The following APBB2 variants were observed in gnomAD, a reference collection of about 807,000 sequenced individuals.
APBB2 encodes the protein Fe65-like 1.
Under a neutral mutation model 82.5 loss-of-function variants are expected in APBB2, and 38 were observed. The observed-to-expected ratio is 0.46, with a 90% confidence interval of 0.36 to 0.60. APBB2 has a LOEUF of 0.60. Among genes scored for constraint, APBB2 ranks in the 20% least tolerant of loss-of-function variants. The pLI is 0.00. For synonymous variants in APBB2, 341 were observed against 368.2 expected (o/e 0.93, Z 0.85); for missense variants, 772 against 972.3 (o/e 0.79, Z 2.74).
At chr4:41,136,651 T>C (rs1757654338) in intron 2 of APBB2, among the ~76,000 whole-genome samples, 1 of 152,170 alleles carries the variant, frequency 6.6e-6, no homozygotes, top group Non-Finnish European at 1.5e-5. Flanking sequence ...ACGCATGGCT[T>C]GACCTACTAA....
chr4:40,824,595 C>T (rs1298104010), intron 15 of APBB2, among the ~76,000 whole-genome samples: 1 of 152,120 alleles, frequency 6.6e-6, no homozygotes. Flanking sequence ...TCAGATGATC[C>T]TCCCACCTCG....
rs201061451 is a variant in APBB2, at chr4:40,928,428, A to ACACACACAC, written c.1254+6027_1254+6028insGTGTGTGTG. On this transcript the variant is annotated intron_variant, in intron 10 of 17. Transcript: ENST00000508593. ...CACACACACACACACACACACACAC[A>ACACACACAC]ATCAGCCAGGTGTGTTGACACATGC... Among the ~76,000 whole-genome samples, 68 of 54,152 alleles carry ACACACACAC rather than the reference A, an allele frequency of 1.3e-3. 1 individual carries two copies. The highest frequency in any genetic ancestry group is 2.0e-3 in the East Asian group (4 of 2,012). The allele number at this position is 54,152 out of a possible 152,430, so 35.5% of individuals were successfully genotyped here.
At chr4:41,031,405 C>A (rs1413857414) in intron 5 of APBB2, among the ~76,000 whole-genome samples, 1 of 152,122 alleles carries the variant, frequency 6.6e-6, no homozygotes, top group Non-Finnish European at 1.5e-5. Flanking sequence ...AAAAAAATGG[C>A]TGGAATAGGA....
chr4:40,956,539 T>C (rs1310238651), intron 6 of APBB2, among the ~76,000 whole-genome samples: 1 of 151,990 alleles, frequency 6.6e-6, no homozygotes, highest in African/African-American at 2.4e-5. Context: ...TTGAAATGTC[T>C]ACCACAGCCT....
At chr4:41,201,756 C>T (rs1461094408) in intron 1 of APBB2, among the ~76,000 whole-genome samples, 1 of 152,192 alleles carries the variant, frequency 6.6e-6, no homozygotes, top group Non-Finnish European at 1.5e-5. Context: ...TTTGAGAATA[C>T]ACTCAGCAGG....
intron 1 of APBB2, among the ~76,000 whole-genome samples, chr4:41,189,448 C>A (rs1230891778): frequency 6.6e-6 from 1 of 152,092 alleles, no homozygotes; most frequent in African/African-American, 2.4e-5. Context: ...ATGGAAAAAT[C>A]AAGCAGTACA....
chr4:41,187,811 T>C (rs1022724828), intron 1 of APBB2, among the ~76,000 whole-genome samples: 3 of 152,224 alleles, frequency 2.0e-5, no homozygotes, highest in Non-Finnish European at 4.4e-5. Context: ...AGTTATCCAT[T>C]TGTACTTTAG....
In APBB2 at chr4:40,816,005, G is replaced by T; in HGVS notation, c.*87C>A. 1.4e-6 allele frequency: 2 copies of T among 1,467,694 alleles called. No individual in the cohort carries two copies. The highest frequency in any genetic ancestry group is 1.9e-6 in the Non-Finnish European group (2 of 1,067,372). The allele number at this position is 1,467,694 out of a possible 1,614,324, so 90.9% of individuals were successfully genotyped here. On this transcript the variant is annotated 3_prime_UTR_variant, in exon 18 of 18. Coordinates refer to ENST00000508593, the MANE Select transcript of APBB2 (RefSeq NM_004307.2). ...CTCTGAAGACAAAGCATCAGCAACT[G>T]GATGGAAGGTCGGATGGCGGAGTTC...
intron 10 of APBB2, among the ~76,000 whole-genome samples, chr4:40,901,907 T>TTGTGTGTGTGTGTGTGTGTGTG (rs1443661269): frequency 1.6e-5 from 2 of 121,482 alleles, no homozygotes; most frequent in Admixed American, 8.7e-5. Flanking sequence ...ATATCCAAAA[T>TTGTGTGTGTGTGTGTGTGTGTG]TATGTGTGTG....
Position 41,014,414 on chromosome 4 carries a change from G to A in APBB2, c.20-16C>T. ...CCTGAGTCAGCTGGGGAAAAAAAAAGTCATTAGACACCTGCCATGATTAAA... is the reference window on the plus strand; with the variant it reads ...CCTGAGTCAGCTGGGGAAAAAAAAAATCATTAGACACCTGCCATGATTAAA... On this transcript the variant is annotated splice_polypyrimidine_tract_variant and intron_variant, in intron 5 of 17. Transcript: ENST00000508593. 6.2e-7 allele frequency: 1 copy of A among 1,604,244 alleles called. No individual in the cohort carries two copies. Among genetic ancestry groups the A allele is most frequent in the South Asian group, 1.1e-5 (1 of 90,436 alleles).
At chr4:41,054,354 A>C (rs1350354558) in intron 4 of APBB2, among the ~76,000 whole-genome samples, 1 of 152,200 alleles carries the variant, frequency 6.6e-6, no homozygotes, top group Non-Finnish European at 1.5e-5. Flanking sequence ...CACTTGCTAC[A>C]AGGAATGCTG....
chr4:41,193,557 G>C (rs1775042313), intron 1 of APBB2: 5 of 985,298 alleles, frequency 5.1e-6, no homozygotes, highest in Non-Finnish European at 6.0e-6. Flanking sequence ...TGGAAACCAG[G>C]GACTCCCCAA....
At chr4:40,928,160 G>A (rs528241860) in intron 10 of APBB2, among the ~76,000 whole-genome samples, 2 of 152,170 alleles carry the variant, frequency 1.3e-5, no homozygotes, top group African/African-American at 4.8e-5. Context: ...GATATAGAAA[G>A]TTTTAAAACA....
chr4:40,951,288 A>C (rs1790073852), intron 6 of APBB2, among the ~76,000 whole-genome samples: 1 of 152,148 alleles, frequency 6.6e-6, no homozygotes, highest in African/African-American at 2.4e-5. Context: ...GTTTTTTTGC[A>C]CAATTAAAAA....
intron 6 of APBB2, 54 bp downstream of exon 6, chr4:41,013,529 G>T: frequency 6.6e-7 from 1 of 1,516,126 alleles, no homozygotes; most frequent in Non-Finnish European, 9.0e-7. Flanking sequence ...TCCAATAGTT[G>T]AAAAGATAAA....
At chr4:40,836,857 TCTC>T (rs1321060755) in intron 12 of APBB2, among the ~76,000 whole-genome samples, 1 of 152,184 alleles carries the variant, frequency 6.6e-6, no homozygotes, top group African/African-American at 2.4e-5. Flanking sequence ...TTTTTACTCT[TCTC>T]CTTCTGGAAC....
At chr4:41,202,274 T>C (rs570817273) in intron 1 of APBB2, among the ~76,000 whole-genome samples, 1 of 152,218 alleles carries the variant, frequency 6.6e-6, no homozygotes, top group African/African-American at 2.4e-5. Context: ...TGTCTCTAAA[T>C]TTACTGTAGG....
chr4:41,105,669 G>A (rs1560765308), intron 2 of APBB2, among the ~76,000 whole-genome samples: 2 of 152,172 alleles, frequency 1.3e-5, no homozygotes, highest in Non-Finnish European at 2.9e-5. Context: ...CAGATCACAA[G>A]GTCAGGAGAT....
At chr4:41,208,283 A>T (rs1328871592) in intron 1 of APBB2, among the ~76,000 whole-genome samples, 1 of 152,034 alleles carries the variant, frequency 6.6e-6, no homozygotes, top group African/African-American at 2.4e-5. Flanking sequence ...TTTTTTTGAG[A>T]CAGAGTCTCG....
Sources: gnomAD v4.1 joint callset for allele counts (sites outside exome capture counted in the v4.1 genomes callset) on GRCh38, gnomAD v4.1.1 for gene constraint, MANE v1.5 for transcripts, NCBI Gene and HGNC (gene_info 2026-07-23, HGNC 2026-07-21) for gene names.